Variants in CCDC174 observed in about 807,000 individuals in gnomAD.
CCDC174 encodes coiled-coil domain-containing protein 174.
CCDC174 carries 37 observed loss-of-function variants against 57.1 expected under a neutral mutation model. The ratio of observed to expected loss-of-function variants is 0.65; its 90% CI spans 0.50 to 0.85. The LOEUF (loss-of-function observed/expected upper bound fraction) is 0.85, where lower values mean the gene tolerates loss of function less well. Ranked by LOEUF, CCDC174 falls within the 40% of genes least tolerant of loss-of-function variation. The probability of loss-of-function intolerance (pLI) is 0.00; values close to 1 mark genes in which losing one functional copy is unlikely to be tolerated. For missense variants in CCDC174, 540 were observed against 574.3 expected (o/e 0.94, Z 0.61); for synonymous variants, 182 against 190.2 (o/e 0.96, Z 0.35).
At chr3:14,665,738 G>C (rs1269030329) in intron 6 of CCDC174, among the ~76,000 whole-genome samples, 1 of 152,128 alleles carries the variant, frequency 6.6e-6, no homozygotes, top group Non-Finnish European at 1.5e-5. Context: ...GCATAAGAAA[G>C]GGAGAATGGA....
At chr3:14,667,911 G>C in intron 8 of CCDC174, 138 bp from the exon 9 acceptor site, 1 of 758,060 alleles carries the variant, frequency 1.3e-6, no homozygotes. Context: ...GCTTCATTGT[G>C]AGGATCTCAA....
chr3:14,662,722 C>T (rs2031187923), intron 5 of CCDC174, among the ~76,000 whole-genome samples: 2 of 152,188 alleles, frequency 1.3e-5, no homozygotes, highest in Non-Finnish European at 2.9e-5. Context: ...TTGTTAGGAA[C>T]TGCTCAGGAC....
At chr3:14,656,282 T>TA (rs899278104) in intron 3 of CCDC174, among the ~76,000 whole-genome samples, 4 of 151,884 alleles carry the variant, frequency 2.6e-5, no homozygotes, top group Admixed American at 6.6e-5. Context: ...TTTATAGATT[T>TA]AAAAAAAAAT....
At chr3:14,657,869 G>A (rs574250572) in intron 3 of CCDC174, among the ~76,000 whole-genome samples, 3 of 152,304 alleles carry the variant, frequency 2.0e-5, no homozygotes, top group Admixed American at 6.5e-5. Context: ...CCCTCTCTCA[G>A]TTAGTGTCCT....
intron 8 of CCDC174, 119 bp from the exon 9 acceptor site, chr3:14,667,930 T>C: frequency 1.1e-6 from 1 of 930,960 alleles, no homozygotes; most frequent in South Asian, 1.7e-5. Flanking sequence ...AAGGACAGCT[T>C]CTTAGAGGTG....
chr3:14,652,995 G>A (rs2030829198), intron 1 of CCDC174, among the ~76,000 whole-genome samples: 1 of 152,160 alleles, frequency 6.6e-6, no homozygotes, highest in African/African-American at 2.4e-5. Context: ...CATCATCAGA[G>A]CAAATTGCCC....
chr3:14,670,084 A>G lies in CCDC174; in HGVS notation c.1103A>G (p.Lys368Arg), dbSNP rs1342050054. The change falls in exon 10 of 11, where the codon AAA becomes AGA. Residue 368 changes from lysine (K) to arginine (R), a missense_variant and splice_region_variant. Physicochemically the swap from Lys to Arg is conservative, Grantham distance 26. Coordinates refer to ENST00000383794, the MANE Select transcript of CCDC174 (RefSeq NM_016474.5). ...CACATCCGGGAGTGGGACCGCGGAA[A>G]AGGTAAGGGAGGTGGGCTCTGAGGT... Reference protein sequence around the residue: ...VPHIREWDRGKEFSFGYWSKR... With the variant: ...VPHIREWDRGREFSFGYWSKR... The G allele has an allele frequency of 1.9e-6, 3 of 1,607,144 alleles. No individual in the cohort carries two copies. Among genetic ancestry groups the G allele is most frequent in the Non-Finnish European group, 1.7e-6 (2 of 1,178,188 alleles).
intron 4 of CCDC174, among the ~76,000 whole-genome samples, 174 bp from the exon 5 acceptor site, chr3:14,661,354 GTA>G (rs2031128541): frequency 6.6e-6 from 1 of 152,116 alleles, no homozygotes; most frequent in South Asian, 2.1e-4. Flanking sequence ...TTTTTGTGTA[GTA>G]TATGTCAGTT....
At chr3:14,656,138 T>G (rs1190079568) in intron 3 of CCDC174, among the ~76,000 whole-genome samples, 1 of 152,212 alleles carries the variant, frequency 6.6e-6, no homozygotes, top group Non-Finnish European at 1.5e-5. Context: ...CTATATCTTC[T>G]GAGAACAAGG....
intron 7 of CCDC174, 74 bp from the exon 8 acceptor site, chr3:14,667,350 G>T: frequency 3.6e-6 from 4 of 1,099,740 alleles, no homozygotes; most frequent in Admixed American, 3.7e-5. Context: ...TTTTGCTTTG[G>T]TAGGAAATGT....
intron 1 of CCDC174, among the ~76,000 whole-genome samples, chr3:14,654,024 T>C (rs59682223): frequency 0.017 from 2,613 of 152,364 alleles, 37 homozygotes; most frequent in African/African-American, 0.042. Flanking sequence ...TTCAGCGTTA[T>C]TTCTACAGCA....
chr3:14,658,950 C>T (rs1362330864), intron 4 of CCDC174, 21 bp downstream of exon 4: 1 of 1,478,682 alleles, frequency 6.8e-7, no homozygotes, highest in Non-Finnish European at 9.3e-7. Context: ...TTTGTTATTT[C>T]TACTTCATTT....
chr3:14,655,698 A>C, intron 3 of CCDC174, 69 bp downstream of exon 3: 2 of 999,984 alleles, frequency 2.0e-6, no homozygotes, highest in Non-Finnish European at 3.0e-6. Flanking sequence ...GGAAGTTCAA[A>C]TTTTGTCCTT....
intron 6 of CCDC174, among the ~76,000 whole-genome samples, chr3:14,666,207 C>G (rs1316237424): frequency 6.6e-6 from 1 of 152,160 alleles, no homozygotes; most frequent in South Asian, 2.1e-4. Flanking sequence ...AGTTCCTCCT[C>G]CCTGCCTGGG....
chr3:14,668,566 TA>T (rs1433983547), intron 9 of CCDC174, among the ~76,000 whole-genome samples: 1 of 152,206 alleles, frequency 6.6e-6, no homozygotes, highest in Non-Finnish European at 1.5e-5. Context: ...AGTTACATAG[TA>T]AAAGAATTTA....
rs150214164 is a variant in CCDC174, at chr3:14,668,164, C to G, written c.935C>G (p.Thr312Arg). The change falls in exon 9 of 11, where the codon ACA becomes AGA. Residue 312 changes from threonine to arginine, a missense_variant. Coordinates refer to ENST00000383794, the MANE Select transcript of CCDC174 (RefSeq NM_016474.5). ...KKMKKSKEGG[T>R]EEENRDGDVI... ...ATGAAAAAATCAAAAGAAGGTGGAA[C>G]AGAAGAAGAAAATAGAGGTATATCA... 1 of 1,610,334 alleles carries G rather than the reference C, an allele frequency of 6.2e-7. No individual in the cohort carries two copies. Among genetic ancestry groups the G allele is most frequent in the African/African-American group, 1.3e-5 (1 of 74,748 alleles).
chr3:14,661,934 TACTG>T, intron 5 of CCDC174: 1 of 454,056 alleles, frequency 2.2e-6, no homozygotes, highest in Non-Finnish European at 3.9e-6. Context: ...TAATTACAAA[TACTG>T]ACTGGGCTTC....
chr3:14,666,636 G>A lies in CCDC174; in HGVS notation c.582-169G>A, dbSNP rs534306819. Among the ~76,000 whole-genome samples, 12 of 151,608 alleles carry A rather than the reference G, an allele frequency of 7.9e-5. No homozygotes were observed. The South Asian group carries it at 2.3e-3, about 29-fold the overall frequency. ...AGACTAGTCTCCAAAAAAAAAAAAG[G>A]CGAAGGCTGTTTTATTGATTTTCCA... is the stretch of plus-strand genomic sequence containing the variant. On this transcript the variant is annotated intron_variant, in intron 6 of 10. Transcript: ENST00000383794.
chr3:14,651,971 G>A (rs2030783223), intron 1 of CCDC174, 93 bp downstream of exon 1: 5 of 1,231,958 alleles, frequency 4.1e-6, no homozygotes, highest in South Asian at 1.3e-5. Flanking sequence ...TTCACTCGGG[G>A]ACCCAGAGAC....
Sources: gnomAD v4.1 joint callset for allele counts (sites outside exome capture counted in the v4.1 genomes callset) on GRCh38, gnomAD v4.1.1 for gene constraint, MANE v1.5 for transcripts, NCBI Gene and HGNC (gene_info 2026-07-23, HGNC 2026-07-21) for gene names.